PTK2: variants seen among roughly 807,000 people sequenced by gnomAD.
PTK2 encodes focal adhesion kinase 1.
PTK2 carries 45 observed loss-of-function variants against 150.1 expected under a neutral mutation model. The ratio of observed to expected loss-of-function variants is 0.30; its 90% CI spans 0.24 to 0.38. PTK2 has a LOEUF of 0.38. Among genes scored for constraint, PTK2 ranks in the 10% least tolerant of loss-of-function variants. The pLI is 1.00. For missense variants in PTK2, 919 were observed against 1,307.3 expected (o/e 0.70, Z 4.58); for synonymous variants, 432 against 449.2 (o/e 0.96, Z 0.48).
chr8:140,938,661 A>G (rs1190876223), intron 1 of PTK2, among the ~76,000 whole-genome samples: 1 of 152,184 alleles, frequency 6.6e-6, no homozygotes, highest in Admixed American at 6.5e-5. Context: ...GGTACAAAAC[A>G]AAGAGCTTCA....
At chr8:140,800,094 T>G (rs1258115627) in intron 12 of PTK2, among the ~76,000 whole-genome samples, 3 of 152,176 alleles carry the variant, frequency 2.0e-5, no homozygotes, top group Non-Finnish European at 2.9e-5. Flanking sequence ...AAAGGACACT[T>G]TATTTATAGT....
intron 14 of PTK2, among the ~76,000 whole-genome samples, chr8:140,788,421 G>A (rs1277340994): frequency 6.6e-6 from 1 of 152,078 alleles, no homozygotes; most frequent in East Asian, 1.9e-4. Flanking sequence ...AGTGGCTCAC[G>A]CCTATAATTC....
At chr8:140,659,838 T>C (rs1028944121) in intron 31 of PTK2, among the ~76,000 whole-genome samples, 160 bp from the exon 36 acceptor site, 2 of 152,138 alleles carry the variant, frequency 1.3e-5, no homozygotes, top group African/African-American at 4.8e-5. Flanking sequence ...CACAGGCACA[T>C]GCCACCAAGC....
intron 1 of PTK2, among the ~76,000 whole-genome samples, chr8:140,991,400 T>A (rs1275418121): frequency 1.3e-5 from 2 of 152,224 alleles, no homozygotes; most frequent in Non-Finnish European, 2.9e-5. Flanking sequence ...AACTGCTATT[T>A]CAATGTAAAA....
intron 4 of PTK2, 35 bp from the exon 5 acceptor site, chr8:140,864,434 T>G (rs2100138083): frequency 3.1e-6 from 4 of 1,276,330 alleles, no homozygotes; most frequent in Non-Finnish European, 3.4e-6. Context: ...CAATTAGAAA[T>G]CAGTCATTTT....
intron 14 of PTK2, among the ~76,000 whole-genome samples, chr8:140,777,166 G>GA (rs1169402757): frequency 6.6e-6 from 1 of 152,210 alleles, no homozygotes; most frequent in Non-Finnish European, 1.5e-5. Flanking sequence ...TTGCTATCAA[G>GA]AAATACCGGA....
intron 21 of PTK2, among the ~76,000 whole-genome samples, chr8:140,736,198 G>T (rs1301851871): frequency 6.6e-6 from 1 of 152,226 alleles, no homozygotes; most frequent in African/African-American, 2.4e-5. Context: ...AGGCATAAAA[G>T]AATGAAATCA....
At chr8:140,743,207 T>C in intron 20 of PTK2, 23 bp downstream of exon 23, 3 of 1,456,566 alleles carry the variant, frequency 2.1e-6, no homozygotes, top group South Asian at 1.2e-5. Context: ...GCCTATTTCT[T>C]AGGTACTACT....
chr8:140,661,667 G>T (rs761172800), intron 31 of PTK2, among the ~76,000 whole-genome samples: 20 of 152,174 alleles, frequency 1.3e-4, no homozygotes, highest in Non-Finnish European at 2.2e-4. Context: ...CACACTCAAG[G>T]GTGGCAGGGA....
intron 22 of PTK2, among the ~76,000 whole-genome samples, chr8:140,725,923 C>T (rs188223278): frequency 6.8e-4 from 103 of 150,562 alleles, no homozygotes; most frequent in African/African-American, 2.4e-3. Context: ...CTAAAGATGA[C>T]TCAGATGTTG....
intron 2 of PTK2, among the ~76,000 whole-genome samples, chr8:140,902,928 T>TTTGTTTTTTTTTG (rs1434022744): frequency 1.6e-5 from 1 of 62,514 alleles, no homozygotes; most frequent in African/African-American, 4.6e-5. Context: ...AGAGTTGTTT[T>TTTGTTTTTTTTTG]TTTTTTTTTT....
At chr8:140,673,417 C>T (rs1244191949) in intron 29 of PTK2, among the ~76,000 whole-genome samples, 1 of 151,882 alleles carries the variant, frequency 6.6e-6, no homozygotes, top group African/African-American at 2.4e-5. Context: ...TCAAGATGCA[C>T]CATTTTTTAA....
intron 1 of PTK2, among the ~76,000 whole-genome samples, chr8:140,964,172 AC>A (rs2100184380): frequency 6.6e-6 from 1 of 152,072 alleles, no homozygotes; most frequent in African/African-American, 2.4e-5. Context: ...TGGATGCACC[AC>A]CCTATGCATG....
intron 27 of PTK2, among the ~76,000 whole-genome samples, chr8:140,684,357 C>T (rs1234665158): frequency 6.6e-6 from 1 of 152,254 alleles, no homozygotes; most frequent in African/African-American, 2.4e-5. Context: ...GAATCTAATG[C>T]TGCCACTGAT....
intron 27 of PTK2, among the ~76,000 whole-genome samples, chr8:140,682,907 T>C (rs553738992): frequency 6.6e-6 from 1 of 151,910 alleles, no homozygotes; most frequent in South Asian, 2.1e-4. Context: ...GTTAAAAAGA[T>C]CTCAAATTAA....
At chr8:140,696,801 C>T (rs1433803433) in intron 26 of PTK2, among the ~76,000 whole-genome samples, 3 of 152,084 alleles carry the variant, frequency 2.0e-5, no homozygotes, top group Admixed American at 2.0e-4. Flanking sequence ...TTTCCATATG[C>T]TCGGCATGGT....
At chr8:140,688,061 G>A (rs2100021022) in intron 26 of PTK2, among the ~76,000 whole-genome samples, 1 of 152,190 alleles carries the variant, frequency 6.6e-6, no homozygotes, top group South Asian at 2.1e-4. Flanking sequence ...GGGAAAAGGT[G>A]AAACTTGTGT....
chr8:140,979,259 A>T (rs1208934234), intron 1 of PTK2, among the ~76,000 whole-genome samples: 3 of 151,686 alleles, frequency 2.0e-5, no homozygotes, highest in South Asian at 2.1e-4. Context: ...TTAAAGTATT[A>T]AAAAAAAGAA....
At chr8:140,750,448 T>C (rs1259774201) in intron 17 of PTK2, 1 of 152,206 alleles carries the variant, frequency 6.6e-6, no homozygotes, top group Non-Finnish European at 1.5e-5. Context: ...TAATCACTTG[T>C]AAACAATGTA....
Sources: allele counts gnomAD v4.1 joint callset (sites outside exome capture counted in the v4.1 genomes callset), GRCh38; gene constraint gnomAD v4.1.1; transcripts MANE v1.5; gene names NCBI Gene and HGNC (gene_info 2026-07-23, HGNC 2026-07-21).